XIRP2: variants seen among roughly 807,000 people sequenced by gnomAD.
XIRP2 encodes the protein xin actin-binding repeat-containing protein 2.
In XIRP2, 236 loss-of-function variants were observed where a neutral mutation model predicts 277.0. The ratio of observed to expected loss-of-function variants is 0.85; its 90% CI spans 0.77 to 0.95. XIRP2 has a LOEUF of 0.95. Ranked by LOEUF, XIRP2 falls within the 40% of genes least tolerant of loss-of-function variation. The pLI, the probability that XIRP2 is intolerant of heterozygous loss-of-function variation, is 0.00. For synonymous variants in XIRP2, 1,490 were observed against 1,416.5 expected (o/e 1.05, Z -1.17); for missense variants, 4,640 against 4,157.5 (o/e 1.12, Z -3.19).
Position 167,202,022 on chromosome 2 carries a change from T to C in XIRP2, c.563-8713T>C, listed in dbSNP as rs571600290. The stretch of plus-strand genomic sequence containing the variant: ...CATATATGGTTGTTATGAGAATTAA[T>C]GGGATAATACATGTAAAATAATTAA... On this transcript the variant is annotated intron_variant, in intron 3 of 10. Transcript: ENST00000409195. Among the ~76,000 whole-genome samples the C allele has an allele frequency of 1.1e-4, 16 of 152,294 alleles. No homozygotes were observed. In the South Asian group the frequency reaches 3.1e-3, roughly 30 times the overall value.
chr2:167,180,919 C>A (rs1692990296), intron 3 of XIRP2, among the ~76,000 whole-genome samples: 1 of 152,172 alleles, frequency 6.6e-6, no homozygotes, highest in Non-Finnish European at 1.5e-5. Context: ...TATCTAAAAT[C>A]TTGAATTACT....
intron 3 of XIRP2, among the ~76,000 whole-genome samples, chr2:167,208,164 T>G (rs1351194468): frequency 6.6e-6 from 1 of 152,166 alleles, no homozygotes; most frequent in Non-Finnish European, 1.5e-5. Flanking sequence ...CAAAATGATT[T>G]TGTTGTATTA....
At chr2:167,155,329 T>C (rs961614390) in intron 3 of XIRP2, among the ~76,000 whole-genome samples, 1 of 151,842 alleles carries the variant, frequency 6.6e-6, no homozygotes, top group African/African-American at 2.4e-5. Flanking sequence ...TTGATGAACA[T>C]TGATGCAAAA....
chr2:167,023,410 G>A (rs1352576173), intron 2 of XIRP2, among the ~76,000 whole-genome samples: 2 of 151,994 alleles, frequency 1.3e-5, no homozygotes, highest in African/African-American at 4.8e-5. Context: ...TAGGTTGCCT[G>A]TTCACTCTGA....
intron 2 of XIRP2, among the ~76,000 whole-genome samples, chr2:166,911,859 T>G (rs1332315784): frequency 2.0e-5 from 3 of 152,204 alleles, no homozygotes; most frequent in African/African-American, 4.8e-5. Flanking sequence ...TATTTCTCCT[T>G]CACTTATGAA....
At chr2:167,035,250 C>T (rs1392637776) in intron 2 of XIRP2, among the ~76,000 whole-genome samples, 1 of 152,104 alleles carries the variant, frequency 6.6e-6, no homozygotes, top group Non-Finnish European at 1.5e-5. Flanking sequence ...GGGAAACAGG[C>T]AGAAGTTGGA....
chr2:166,938,260 C>G (rs1685578642), intron 2 of XIRP2, among the ~76,000 whole-genome samples: 2 of 152,148 alleles, frequency 1.3e-5, no homozygotes, highest in Admixed American at 6.5e-5. Context: ...CTACACACTG[C>G]TTTATCTGAG....
At chr2:167,207,249 A>G (rs1693884570) in intron 3 of XIRP2, among the ~76,000 whole-genome samples, 1 of 152,216 alleles carries the variant, frequency 6.6e-6, no homozygotes. Context: ...AGGATGGTTC[A>G]TAACAAATCT....
intron 8 of XIRP2, 118 bp downstream of exon 8, chr2:167,242,028 G>C: frequency 7.7e-7 from 1 of 1,296,468 alleles, no homozygotes; most frequent in South Asian, 1.8e-5. Context: ...TTCTGAACTG[G>C]CATTTATTCA....
chr2:167,120,618 A>G (rs1691029954), intron 2 of XIRP2, among the ~76,000 whole-genome samples: 1 of 152,202 alleles, frequency 6.6e-6, no homozygotes. Context: ...ATGAGAGATG[A>G]AAGAAGATAA....
intron 3 of XIRP2, among the ~76,000 whole-genome samples, chr2:167,202,090 AAT>A (rs1693736120): frequency 6.6e-6 from 1 of 152,188 alleles, no homozygotes; most frequent in South Asian, 2.1e-4. Context: ...ATTATAATGT[AAT>A]ATACGTCTGA....
At chr2:167,040,463 C>T (rs563025843) in intron 2 of XIRP2, among the ~76,000 whole-genome samples, 1 of 152,066 alleles carries the variant, frequency 6.6e-6, no homozygotes, top group Non-Finnish European at 1.5e-5. Context: ...ATCTTAGGAA[C>T]ACCAGCTGCA....
chr2:166,971,163 T>C (rs544202286), intron 2 of XIRP2, among the ~76,000 whole-genome samples: 1 of 152,208 alleles, frequency 6.6e-6, no homozygotes, highest in East Asian at 1.9e-4. Flanking sequence ...TTGTAATTTT[T>C]ACTTTAAGTA....
chr2:167,000,307 G>A (rs781449240), intron 2 of XIRP2, among the ~76,000 whole-genome samples: 9 of 152,050 alleles, frequency 5.9e-5, no homozygotes, highest in Non-Finnish European at 1.2e-4. Flanking sequence ...TTGTTTCATG[G>A]GTTTCATAAG....
At chr2:166,987,188 G>T in intron 2 of XIRP2, among the ~76,000 whole-genome samples, 1 of 152,118 alleles carries the variant, frequency 6.6e-6, no homozygotes, top group Middle Eastern at 3.2e-3. Context: ...TTTAACATGG[G>T]TCCTGCAAGG....
chr2:167,099,551 G>A (rs1353214573), intron 2 of XIRP2, among the ~76,000 whole-genome samples: 1 of 135,744 alleles, frequency 7.4e-6, no homozygotes, highest in African/African-American at 3.5e-5. Flanking sequence ...AGGCACCACT[G>A]GGGTATGAAA....
At chr2:167,140,149 G>A (rs922997798) in intron 3 of XIRP2, among the ~76,000 whole-genome samples, 1 of 152,096 alleles carries the variant, frequency 6.6e-6, no homozygotes, top group Non-Finnish European at 1.5e-5. Flanking sequence ...AGTATTTTCT[G>A]GTGATAAAAT....
At chr2:167,210,532 C>G (rs1460718296) in intron 3 of XIRP2, among the ~76,000 whole-genome samples, 1 of 152,052 alleles carries the variant, frequency 6.6e-6, no homozygotes, top group African/African-American at 2.4e-5. Context: ...TGCTGTTTAC[C>G]TAAGTTTATG....
Position 167,148,316 on chromosome 2 carries a change from A to C in XIRP2, c.562+12254A>C, listed in dbSNP as rs554871400. On this transcript the variant is annotated intron_variant, in intron 3 of 10. Coordinates refer to ENST00000409195, the MANE Select transcript of XIRP2 (RefSeq NM_152381.6). ...AGAATCGCTTGAACTCGGGAGGCAG[A>C]GGTTGCAGTGAGCCGAGATCGCACC... Among the ~76,000 whole-genome samples, 51 of 151,768 alleles carry C rather than the reference A, an allele frequency of 3.4e-4. 2 individuals are homozygous for C. The South Asian group carries it at 0.01, about 30-fold the overall frequency.
Sources: allele counts gnomAD v4.1 joint callset (sites outside exome capture counted in the v4.1 genomes callset), GRCh38; gene constraint gnomAD v4.1.1; transcripts MANE v1.5; gene names NCBI Gene and HGNC (gene_info 2026-07-23, HGNC 2026-07-21).